DNM3: variants seen among roughly 807,000 people sequenced by gnomAD.
DNM3 encodes dynamin-3.
In DNM3, 47 loss-of-function variants were observed where a neutral mutation model predicts 101.6. The ratio of observed to expected loss-of-function variants is 0.46; its 90% CI spans 0.37 to 0.59. The LOEUF (loss-of-function observed/expected upper bound fraction) is 0.59. Ranked by LOEUF, DNM3 falls within the 20% of genes least tolerant of loss-of-function variation. The probability of loss-of-function intolerance (pLI) is 0.00; values close to 1 mark genes in which losing one functional copy is unlikely to be tolerated. For synonymous variants in DNM3, 385 were observed against 387.9 expected, an observed-to-expected ratio of 0.99 and a Z score of 0.09; for missense variants, 849 against 1,085.7, an observed-to-expected ratio of 0.78 and a Z score of 3.06.
At chr1:171,992,662 A>G (rs2045715736) in intron 4 of DNM3, among the ~76,000 whole-genome samples, 1 of 152,028 alleles carries the variant, frequency 6.6e-6, no homozygotes, top group Non-Finnish European at 1.5e-5. Flanking sequence ...CCCAGTTTTT[A>G]TATCCTATAT....
intron 14 of DNM3, among the ~76,000 whole-genome samples, chr1:172,141,576 T>A (rs114480405): frequency 0.01 from 1,532 of 152,194 alleles, 22 homozygotes; most frequent in African/African-American, 0.034. Flanking sequence ...ACTTTTTATA[T>A]CTTATAACAG....
intron 15 of DNM3, among the ~76,000 whole-genome samples, chr1:172,288,130 T>C (rs966758233): frequency 1.3e-5 from 2 of 152,198 alleles, no homozygotes; most frequent in South Asian, 4.1e-4. Flanking sequence ...CCTATTCTCA[T>C]GGAATTCACA....
At chr1:172,298,242 C>T (rs1200454053) in intron 15 of DNM3, among the ~76,000 whole-genome samples, 3 of 152,136 alleles carry the variant, frequency 2.0e-5, no homozygotes, top group Admixed American at 1.3e-4. Flanking sequence ...CTCATTCTTT[C>T]CCTCTCTGAC....
intron 17 of DNM3, among the ~76,000 whole-genome samples, chr1:172,325,570 A>C (rs531781365): frequency 1.0e-3 from 158 of 151,776 alleles, no homozygotes; most frequent in Non-Finnish European, 1.9e-3. Flanking sequence ...GCACATCTGC[A>C]TGTTATTTTC....
At chr1:171,868,679 A>G (rs1299483470) in intron 1 of DNM3, among the ~76,000 whole-genome samples, 1 of 152,204 alleles carries the variant, frequency 6.6e-6, no homozygotes, top group Admixed American at 6.5e-5. Flanking sequence ...TCAAGCAAGG[A>G]TGAGCCTCTC....
chr1:171,995,096 GTTTTT>G (rs35925537), intron 4 of DNM3, among the ~76,000 whole-genome samples: 2 of 49,638 alleles, frequency 4.0e-5, no homozygotes, highest in Non-Finnish European at 7.4e-5. Context: ...TGAAATCCAG[GTTTTT>G]TTTTTTTTTT....
chr1:172,078,338 C>G (rs140448717), intron 11 of DNM3, among the ~76,000 whole-genome samples: 1 of 152,104 alleles, frequency 6.6e-6, no homozygotes. Context: ...GTGATCTGCC[C>G]GCCTTGGCCT....
At chr1:172,239,402 G>T (rs1248032323) in intron 14 of DNM3, among the ~76,000 whole-genome samples, 1 of 152,140 alleles carries the variant, frequency 6.6e-6, no homozygotes, top group African/African-American at 2.4e-5. Context: ...TGTATCCGAA[G>T]TCCCTGAATA....
intron 1 of DNM3, among the ~76,000 whole-genome samples, chr1:171,885,351 C>G (rs1034517788): frequency 6.6e-6 from 1 of 152,090 alleles, no homozygotes; most frequent in Non-Finnish European, 1.5e-5. Context: ...TCAAAACATA[C>G]ATACTTATGT....
intron 1 of DNM3, among the ~76,000 whole-genome samples, chr1:171,868,566 A>G (rs78682777): frequency 0.01 from 1,555 of 152,328 alleles, 13 homozygotes; most frequent in Non-Finnish European, 0.013. Context: ...ACAGCCATGC[A>G]TAATTGAGTT....
chr1:172,199,859 C>G lies in DNM3; in HGVS notation c.1660-53714C>G, dbSNP rs544446901. Among the ~76,000 whole-genome samples the G allele has an allele frequency of 2.7e-4, 41 of 152,140 alleles. No individual in the cohort carries two copies. In the South Asian group the frequency reaches 8.3e-3, roughly 31 times the overall value. ...CTATTAGTTCTTGCTTTTTTATCCA[C>G]TTTGCCACTCTGTGCCTTGTTGAGT... is the stretch of plus-strand genomic sequence containing the variant. On this transcript the variant is annotated intron_variant, in intron 14 of 20. Coordinates refer to ENST00000627582, the MANE Select transcript of DNM3 (RefSeq NM_015569.5).
chr1:172,243,093 G>A (rs1035485385), intron 14 of DNM3, among the ~76,000 whole-genome samples: 3 of 151,938 alleles, frequency 2.0e-5, no homozygotes, highest in Non-Finnish European at 4.4e-5. Flanking sequence ...ATATATGATC[G>A]ATCTGCCATC....
intron 1 of DNM3, among the ~76,000 whole-genome samples, chr1:171,887,624 A>AT (rs895194844): frequency 3.4e-4 from 52 of 150,920 alleles, no homozygotes; most frequent in African/African-American, 9.2e-4. Flanking sequence ...TAATTAATTT[A>AT]TTTTTTTTTG....
At chr1:171,928,385 G>A (rs1166165719) in intron 2 of DNM3, among the ~76,000 whole-genome samples, 2 of 152,120 alleles carry the variant, frequency 1.3e-5, no homozygotes, top group Non-Finnish European at 2.9e-5. Context: ...TGGAGGAAGG[G>A]ACCTTAGTAG....
intron 16 of DNM3, 158 bp downstream of exon 16, chr1:172,308,997 T>C (rs1381493404): frequency 2.4e-5 from 10 of 425,504 alleles, no homozygotes; most frequent in Admixed American, 4.3e-5. Flanking sequence ...TTATATTTTT[T>C]AACAATGCTT....
At chr1:172,149,842 G>A (rs1362385644) in intron 14 of DNM3, among the ~76,000 whole-genome samples, 3 of 151,876 alleles carry the variant, frequency 2.0e-5, no homozygotes, top group Non-Finnish European at 2.9e-5. Flanking sequence ...TTGCAGGGGT[G>A]GAGAAAGTAC....
intron 17 of DNM3, among the ~76,000 whole-genome samples, chr1:172,362,273 C>T (rs144669478): frequency 9.2e-4 from 139 of 151,910 alleles, no homozygotes; most frequent in African/African-American, 3.3e-3. Flanking sequence ...AAAGCCTTAA[C>T]GATAAGAAAT....
At chr1:171,935,670 T>C (rs888760090) in intron 2 of DNM3, among the ~76,000 whole-genome samples, 7 of 151,938 alleles carry the variant, frequency 4.6e-5, no homozygotes, top group African/African-American at 1.7e-4. Context: ...TGTGCCTCTC[T>C]TTCCATGTCC....
chr1:171,946,013 G>A (rs2042152583), intron 2 of DNM3, among the ~76,000 whole-genome samples: 1 of 152,186 alleles, frequency 6.6e-6, no homozygotes, highest in African/African-American at 2.4e-5. Flanking sequence ...CGCAGCTGGA[G>A]AGACAGGGAG....
Sources: allele counts gnomAD v4.1 joint callset (sites outside exome capture counted in the v4.1 genomes callset), GRCh38; gene constraint gnomAD v4.1.1; transcripts MANE v1.5; gene names NCBI Gene and HGNC (gene_info 2026-07-23, HGNC 2026-07-21).